Variants in CXADR observed in about 807,000 individuals in gnomAD.
CXADR encodes the protein CXADR cell adhesion molecule, also known as coxsackievirus and adenovirus receptor.
In CXADR, 20 loss-of-function variants were observed where a neutral mutation model predicts 40.3. The observed-to-expected ratio is 0.50, with a 90% confidence interval of 0.35 to 0.72. The LOEUF (loss-of-function observed/expected upper bound fraction) is 0.72, where lower values mean the gene tolerates loss of function less well. Ranked by LOEUF, CXADR falls within the 30% of genes least tolerant of loss-of-function variation. The probability of loss-of-function intolerance (pLI) is 0.01; values close to 1 mark genes in which losing one functional copy is unlikely to be tolerated. For synonymous variants in CXADR, 150 were observed against 161.3 expected (o/e 0.93, Z 0.53); for missense variants, 332 against 449.1 (o/e 0.74, Z 2.36).
chr21:17,610,488 GA>G, the CXADR span, among the ~76,000 whole-genome samples: 2 of 152,182 alleles, frequency 1.3e-5, no homozygotes, highest in Non-Finnish European at 2.9e-5. Context: ...GTCACCCGCA[GA>G]AAAACAAACT....
intron 1 of CXADR, among the ~76,000 whole-genome samples, chr21:17,527,800 TTTTA>T (rs199779900): frequency 4.0e-5 from 6 of 151,546 alleles, no homozygotes; most frequent in African/African-American, 7.3e-5. Context: ...ATTTTTTTAT[TTTTA>T]TTTATTTATT....
intron 1 of CXADR, among the ~76,000 whole-genome samples, chr21:17,545,323 A>T (rs2060882098): frequency 6.6e-6 from 1 of 152,158 alleles, no homozygotes; most frequent in African/African-American, 2.4e-5. Flanking sequence ...TTGGGTAATC[A>T]CAAGTAAACC....
chr21:17,599,591 T>C, the CXADR span, among the ~76,000 whole-genome samples: 1 of 151,460 alleles, frequency 6.6e-6, no homozygotes, highest in Non-Finnish European at 1.5e-5. Flanking sequence ...GTGATTCTCC[T>C]GCCTCAGCCT....
intron 1 of CXADR, among the ~76,000 whole-genome samples, chr21:17,528,596 C>T (rs1384997784): frequency 1.3e-5 from 2 of 150,906 alleles, no homozygotes; most frequent in Non-Finnish European, 3.0e-5. Context: ...TTAGTAGAGA[C>T]GGGGTTTCTT....
At chr21:17,548,632 C>A (rs2060928677) in intron 2 of CXADR, among the ~76,000 whole-genome samples, 1 of 152,196 alleles carries the variant, frequency 6.6e-6, no homozygotes, top group Admixed American at 6.5e-5. Flanking sequence ...ATAGGGGAAG[C>A]CTAGGAACCA....
the CXADR span, chr21:17,605,057 T>C: frequency 1.3e-6 from 2 of 1,561,682 alleles, no homozygotes; most frequent in Non-Finnish European, 1.7e-6. Flanking sequence ...AACGCCGTAA[T>C]ATCTATTCAT....
the CXADR span, among the ~76,000 whole-genome samples, chr21:17,610,615 T>A: frequency 6.6e-6 from 1 of 152,220 alleles, no homozygotes; most frequent in East Asian, 1.9e-4. Context: ...CCTAAGATTG[T>A]TTTGATGTAT....
chr21:17,528,597 G>A (rs569385693), intron 1 of CXADR, among the ~76,000 whole-genome samples: 84 of 150,726 alleles, frequency 5.6e-4, no homozygotes, highest in African/African-American at 2.0e-3. Context: ...TAGTAGAGAC[G>A]GGGTTTCTTC....
chr21:17,601,525 A>G, the CXADR span, among the ~76,000 whole-genome samples: 1 of 152,178 alleles, frequency 6.6e-6, no homozygotes, highest in Non-Finnish European at 1.5e-5. Context: ...CCCTCTCTCT[A>G]AAACAAAACA....
At chr21:17,603,967 C>T in the CXADR span, among the ~76,000 whole-genome samples, 1 of 152,188 alleles carries the variant, frequency 6.6e-6, no homozygotes, top group African/African-American at 2.4e-5. Context: ...ATGTTGCTTT[C>T]GTTTTTGAAA....
At chr21:17,618,555 G>A in the CXADR span, among the ~76,000 whole-genome samples, 53 of 151,446 alleles carry the variant, frequency 3.5e-4, no homozygotes, top group South Asian at 0.01. Flanking sequence ...TTTTGGAGGC[G>A]GGGATGGAAT....
intron 6 of CXADR, 85 bp from the exon 7 acceptor site, chr21:17,565,343 C>A: frequency 7.0e-7 from 1 of 1,421,544 alleles, no homozygotes; most frequent in Non-Finnish European, 9.7e-7. Flanking sequence ...TAAATACAGG[C>A]TCTTATCCAT....
At chr21:17,545,447 G>A (rs2123238800) in intron 1 of CXADR, among the ~76,000 whole-genome samples, 1 of 152,118 alleles carries the variant, frequency 6.6e-6, no homozygotes, top group South Asian at 2.1e-4. Context: ...AATTTTTTGA[G>A]ACAGAGTCTT....
chr21:17,589,364 A>C (rs990053867), intron 7 of CXADR, among the ~76,000 whole-genome samples: 2 of 152,160 alleles, frequency 1.3e-5, no homozygotes, highest in Non-Finnish European at 2.9e-5. Context: ...TCTGCTAAAA[A>C]TAAATCCATT....
intron 1 of CXADR, among the ~76,000 whole-genome samples, chr21:17,535,955 C>T (rs1600976204): frequency 6.6e-6 from 1 of 152,162 alleles, no homozygotes; most frequent in Non-Finnish European, 1.5e-5. Flanking sequence ...CTGCAGTGAG[C>T]CAAGATTGTG....
downstream of CXADR, chr21:17,598,475 G>A: frequency 1.5e-6 from 1 of 655,040 alleles, no homozygotes; most frequent in Non-Finnish European, 2.5e-6. Flanking sequence ...CAGAGAAACA[G>A]CTTTCCCTTA....
intron 7 of CXADR, among the ~76,000 whole-genome samples, chr21:17,588,326 G>A (rs923164824): frequency 5.9e-5 from 9 of 152,312 alleles, no homozygotes; most frequent in Non-Finnish European, 1.2e-4. Flanking sequence ...GCCTTGGGCA[G>A]TATGGCCATT....
At chr21:17,605,989 CTATT>C in the CXADR span, among the ~76,000 whole-genome samples, 1 of 152,030 alleles carries the variant, frequency 6.6e-6, no homozygotes, top group Admixed American at 6.5e-5. Flanking sequence ...GACTAATGTG[CTATT>C]TAAAGTTTTT....
At position 17,559,011 on chromosome 21, in the gene CXADR, T is replaced by G. The variant is rs1196178401; in HGVS notation, c.451T>G (p.Ser151Ala). The stretch of plus-strand genomic sequence containing the variant: ...AGGTGCGAGATGTTACGTTGATGGA[T>G]CTGAAGAAATTGGAAGTGACTTTAA... ...PSGARCYVDG[S>A]EEIGSDFKIK... is the part of the protein sequence containing the mutation. Residue 151 changes from serine (S) to alanine (A), a missense_variant, in exon 4 of 7, where the codon TCT becomes GCT. Ser to Ala is a moderately conservative substitution (Grantham distance 99). Coordinates refer to ENST00000284878, the MANE Select transcript of CXADR (RefSeq NM_001338.5). 2 of 1,613,862 alleles carry G rather than the reference T, an allele frequency of 1.2e-6. No homozygotes were observed. The highest frequency in any genetic ancestry group is 1.7e-6 in the Non-Finnish European group (2 of 1,179,900).
Sources: gnomAD v4.1 joint callset for allele counts (sites outside exome capture counted in the v4.1 genomes callset) on GRCh38, gnomAD v4.1.1 for gene constraint, MANE v1.5 for transcripts, NCBI Gene and HGNC (gene_info 2026-07-23, HGNC 2026-07-21) for gene names.